Variants in TRPC5 observed in about 807,000 individuals in gnomAD.
TRPC5 encodes transient receptor potential cation channel subfamily C member 5.
Under a neutral mutation model 56.5 loss-of-function variants are expected in TRPC5, and 9 were observed. The observed-to-expected ratio is 0.16, with a 90% CI of 0.10 to 0.28. The LOEUF (loss-of-function observed/expected upper bound fraction) is 0.28. Ranked by LOEUF, TRPC5 falls within the 10% of genes least tolerant of loss-of-function variation. The pLI, the probability that TRPC5 is intolerant of heterozygous loss-of-function variation, is 1.00. For missense variants in TRPC5, 469 were observed against 748.9 expected (o/e 0.63, Z 4.36); for synonymous variants, 282 against 278.5 (o/e 1.01, Z -0.13).
At chrX:111,989,275 G>A (rs1171665273) in intron 1 of TRPC5, among the ~76,000 whole-genome samples, 2 of 111,708 alleles carry the variant, frequency 1.8e-5, no homozygotes, top group Admixed American at 9.5e-5. Flanking sequence ...GACCCCATGA[G>A]CAAAGTTAGA....
Position 111,772,307 on chromosome X carries a change from G to A in TRPC5, c.*4006C>T, listed in dbSNP as rs1422972528. On this transcript the variant is annotated 3_prime_UTR_variant, in exon 11 of 11. Transcript: ENST00000262839. Reference sequence around the variant, plus strand: ...AGCTGCAGGGATTGAAGGTAGGGCTGTGAAGTAGGTATGAAGAGGTTATTT... The same window carrying A: ...AGCTGCAGGGATTGAAGGTAGGGCTATGAAGTAGGTATGAAGAGGTTATTT... 8.9e-6 allele frequency among the ~76,000 whole-genome samples: 1 copy of A among 112,207 alleles called. No homozygotes were observed. The highest frequency in any genetic ancestry group is 3.2e-5 in the African/African-American group (1 of 30,902).
At chrX:112,072,810 C>T (rs1430198963) in intron 1 of TRPC5, among the ~76,000 whole-genome samples, 1 of 111,157 alleles carries the variant, frequency 9.0e-6, no homozygotes, top group African/African-American at 3.3e-5. Context: ...ATCGATCTCT[C>T]TCTCTCTCTT....
At chrX:111,930,740 G>A (rs1926388325) in intron 2 of TRPC5, 1 of 111,934 alleles carries the variant, frequency 8.9e-6, no homozygotes, top group South Asian at 3.8e-4. Context: ...CTAGCCTGCA[G>A]CTATTTATTC....
chrX:111,870,410 A>C (rs1472087781), intron 3 of TRPC5, among the ~76,000 whole-genome samples: 1 of 112,459 alleles, frequency 8.9e-6, no homozygotes, highest in Non-Finnish European at 1.9e-5. Context: ...AAAATGTTTT[A>C]GTATAACTAA....
chrX:111,861,758 G>A (rs1279572522), intron 3 of TRPC5, among the ~76,000 whole-genome samples: 5 of 111,313 alleles, frequency 4.5e-5, no homozygotes, highest in Non-Finnish European at 9.4e-5. Context: ...CTACTGAACC[G>A]GTGGGAGCAA....
rs191914204 is a variant in TRPC5, at chrX:111,919,351, C to T, written c.379-6539G>A. 3.9e-3 allele frequency among the ~76,000 whole-genome samples: 438 copies of T among 111,945 alleles called. 4 individuals carry two copies. The highest frequency in any genetic ancestry group is 0.014 in the African/African-American group (422 of 30,801). ...GCCACCCCAGCCAGCAGCGGCAACC[C>T]GCTCGGGTCCCCTTCCATGCTGTGG... On this transcript the variant is annotated intron_variant, in intron 2 of 10. Coordinates refer to ENST00000262839, the MANE Select transcript of TRPC5 (RefSeq NM_012471.3).
intron 2 of TRPC5, among the ~76,000 whole-genome samples, chrX:111,950,638 C>T (rs1300331098): frequency 8.9e-6 from 1 of 111,933 alleles, no homozygotes; most frequent in African/African-American, 3.2e-5. Context: ...CAAACACTAC[C>T]TGCTCTGCAA....
chrX:111,786,829 A>G (rs1001693663), intron 7 of TRPC5, among the ~76,000 whole-genome samples: 11 of 111,959 alleles, frequency 9.8e-5, no homozygotes, highest in African/African-American at 1.6e-4. Flanking sequence ...AGGCCATTAC[A>G]TAATGTTAAA....
chrX:111,890,799 C>T (rs867055257), intron 3 of TRPC5, among the ~76,000 whole-genome samples: 2 of 111,611 alleles, frequency 1.8e-5, no homozygotes. Context: ...GTTTGTTTTA[C>T]AGATTATTTT....
chrX:111,786,586 G>A (rs951295633), intron 7 of TRPC5, among the ~76,000 whole-genome samples: 16 of 110,691 alleles, frequency 1.4e-4, no homozygotes, highest in African/African-American at 4.9e-4. Flanking sequence ...AATGTAAATG[G>A]GCTAAATGCC....
Position 111,973,990 on chromosome X carries a change from G to A in TRPC5, c.-21-21549C>T, listed in dbSNP as rs146007519. ...CTGTCGACAGTTTAGAATTAAAGAA[G>A]TGATGAGGAAAATATTAATAATGCA... is the stretch of plus-strand genomic sequence containing the variant. On this transcript the variant is annotated intron_variant, in intron 1 of 10. Transcript: ENST00000262839. Among the ~76,000 whole-genome samples, 905 of 111,887 alleles carry A rather than the reference G, an allele frequency of 8.1e-3. 9 individuals carry two copies. The highest frequency in any genetic ancestry group is 0.028 in the African/African-American group (851 of 30,812).
chrX:111,975,517 G>C (rs1456794844), intron 1 of TRPC5, among the ~76,000 whole-genome samples: 1 of 110,812 alleles, frequency 9.0e-6, no homozygotes, highest in Non-Finnish European at 1.9e-5. Flanking sequence ...ATGTTGGTTT[G>C]CTGCACCCAT....
At chrX:111,952,802 T>C (rs1927129330) in intron 1 of TRPC5, among the ~76,000 whole-genome samples, 1 of 111,863 alleles carries the variant, frequency 8.9e-6, no homozygotes. Flanking sequence ...TGCTACACAA[T>C]AATTCCTACC....
chrX:111,805,765 C>CA (rs967884739), intron 7 of TRPC5, among the ~76,000 whole-genome samples: 7 of 110,999 alleles, frequency 6.3e-5, no homozygotes, highest in African/African-American at 2.3e-4. Flanking sequence ...CCTCACCTCC[C>CA]AGGCTCAAGT....
At chrX:112,053,934 A>C (rs1025133788) in intron 1 of TRPC5, among the ~76,000 whole-genome samples, 1 of 112,179 alleles carries the variant, frequency 8.9e-6, no homozygotes, top group African/African-American at 3.2e-5. Context: ...CCTGATTTAC[A>C]TGTATCTAAA....
intron 1 of TRPC5, among the ~76,000 whole-genome samples, chrX:112,006,534 T>C (rs1928849849): frequency 9.0e-6 from 1 of 111,386 alleles, no homozygotes; most frequent in Non-Finnish European, 1.9e-5. Context: ...GTCATACAGC[T>C]AACAAGTGTA....
At chrX:111,876,345 G>C (rs918291786) in intron 3 of TRPC5, 2 of 111,677 alleles carry the variant, frequency 1.8e-5, no homozygotes, top group Non-Finnish European at 3.8e-5. Flanking sequence ...AAGTTTTCCT[G>C]AGAGAGGAAA....
intron 1 of TRPC5, among the ~76,000 whole-genome samples, chrX:111,973,546 T>G (rs988523409): frequency 9.0e-6 from 1 of 111,561 alleles, no homozygotes; most frequent in Admixed American, 9.5e-5. Context: ...CACATATCCC[T>G]AGGTGGATGA....
chrX:111,966,477 G>C (rs374713375), intron 1 of TRPC5, among the ~76,000 whole-genome samples: 2 of 111,302 alleles, frequency 1.8e-5, no homozygotes, highest in Non-Finnish European at 3.8e-5. Flanking sequence ...TAACTCATTT[G>C]ATGAGGCCAG....
Sources: allele counts gnomAD v4.1 joint callset (sites outside exome capture counted in the v4.1 genomes callset), GRCh38; gene constraint gnomAD v4.1.1; transcripts MANE v1.5; gene names NCBI Gene and HGNC (gene_info 2026-07-23, HGNC 2026-07-21).